The following RAB10 variants were observed in gnomAD, a reference collection of about 807,000 sequenced individuals.
RAB10 encodes ras-related protein Rab-10.
In RAB10, 5 loss-of-function variants were observed where a neutral mutation model predicts 25.7. The observed-to-expected ratio is 0.19, with a 90% confidence interval of 0.10 to 0.41. The LOEUF is 0.41. Ranked by LOEUF, RAB10 falls within the 10% of genes least tolerant of loss-of-function variation. The pLI is 1.00. For synonymous variants in RAB10, 89 were observed against 86.4 expected, an observed-to-expected ratio of 1.03 and a Z score of -0.16; for missense variants, 103 against 245.8, an observed-to-expected ratio of 0.42 and a Z score of 3.89.
intron 3 of RAB10, among the ~76,000 whole-genome samples, chr2:26,124,388 G>GTTTTT (rs1559599431): frequency 1.8e-4 from 3 of 17,092 alleles, no homozygotes; most frequent in South Asian, 1.8e-3. Context: ...TGTTGTTGTT[G>GTTTTT]CTTTTTTTTT....
chr2:26,062,233 A>G (rs6729757), intron 1 of RAB10, among the ~76,000 whole-genome samples: 117,328 of 152,188 alleles, frequency 0.77, 45,277 homozygotes, highest in East Asian at 0.87. Context: ...AGCATAGAAA[A>G]TATAAATACT....
intron 1 of RAB10, among the ~76,000 whole-genome samples, chr2:26,046,586 TA>T (rs928673764): frequency 9.7e-4 from 148 of 152,040 alleles, no homozygotes; most frequent in African/African-American, 3.3e-3. Flanking sequence ...TACTGTTGAT[TA>T]AAAAAAATTA....
intron 1 of RAB10, among the ~76,000 whole-genome samples, chr2:26,069,118 C>T (rs1305990497): frequency 6.6e-6 from 1 of 152,134 alleles, no homozygotes; most frequent in African/African-American, 2.4e-5. Flanking sequence ...CATTGAGATG[C>T]TTTGAAATTT....
chr2:26,102,499 C>T (rs1435171193), intron 2 of RAB10, among the ~76,000 whole-genome samples: 4 of 143,732 alleles, frequency 2.8e-5, no homozygotes, highest in Admixed American at 7.2e-5. Flanking sequence ...AGTGCAGTGG[C>T]GCTATCTCGG....
In RAB10 at chr2:26,121,596, A is replaced by G. The variant is rs1667804015; in HGVS notation, c.328-5548A>G. Among the ~76,000 whole-genome samples, 11 of 152,224 alleles carry G rather than the reference A, an allele frequency of 7.2e-5. No individual in the cohort carries two copies. The South Asian group carries it at 2.1e-3, about 29-fold the overall frequency. On this transcript the variant is annotated intron_variant, in intron 3 of 5. Coordinates refer to ENST00000264710, the MANE Select transcript of RAB10 (RefSeq NM_016131.5). ...CCTAGAAATATTGGGCGGGGGGGAAATTAAGAAAAAGTTAAGTATATTATG... is the reference window on the plus strand; with the variant it reads ...CCTAGAAATATTGGGCGGGGGGGAAGTTAAGAAAAAGTTAAGTATATTATG...
intron 1 of RAB10, among the ~76,000 whole-genome samples, chr2:26,054,174 A>T (rs571086143): frequency 1.3e-5 from 2 of 150,178 alleles, no homozygotes; most frequent in African/African-American, 4.9e-5. Context: ...CAGCCTCCCA[A>T]GTAGCTGGAA....
intron 1 of RAB10, among the ~76,000 whole-genome samples, chr2:26,039,594 C>G (rs555744501): frequency 1.4e-4 from 22 of 152,202 alleles, no homozygotes; most frequent in Non-Finnish European, 2.9e-5. Context: ...GGTGATCCAC[C>G]CACCTCGGCC....
At chr2:26,127,386 AT>A (rs1476283502) in intron 4 of RAB10, 153 bp downstream of exon 4, 22 of 630,828 alleles carry the variant, frequency 3.5e-5, no homozygotes, top group East Asian at 9.7e-5. Context: ...ATTTGAGTGA[AT>A]TTTTTTTCAG....
chr2:26,066,649 C>T (rs1559582942), intron 1 of RAB10, among the ~76,000 whole-genome samples: 1 of 152,094 alleles, frequency 6.6e-6, no homozygotes, highest in African/African-American at 2.4e-5. Context: ...ATCATGAGAA[C>T]AGCATGGAGG....
chr2:26,124,389 C>CTTTCTTTTTTT (rs1667864679), intron 3 of RAB10, among the ~76,000 whole-genome samples: 1 of 19,666 alleles, frequency 5.1e-5, no homozygotes. Context: ...GTTGTTGTTG[C>CTTTCTTTTTTT]TTTTTTTTTT....
chr2:26,085,361 G>A (rs965608316), intron 1 of RAB10, among the ~76,000 whole-genome samples: 7 of 151,604 alleles, frequency 4.6e-5, no homozygotes, highest in East Asian at 2.0e-4. Context: ...GTGGTGACGC[G>A]CGCCTGGTAT....
At chr2:26,061,092 C>CTTTTTTTTTTT (rs5829993) in intron 1 of RAB10, among the ~76,000 whole-genome samples, 6 of 83,634 alleles carry the variant, frequency 7.2e-5, no homozygotes, top group East Asian at 4.4e-4. Flanking sequence ...TTATCTCTGT[C>CTTTTTTTTTTT]TTTTTTTTTT....
At chr2:26,132,069 T>TA (rs1401544592) in intron 5 of RAB10, among the ~76,000 whole-genome samples, 2 of 152,200 alleles carry the variant, frequency 1.3e-5, no homozygotes, top group Non-Finnish European at 2.9e-5. Context: ...TTTTGATAAA[T>TA]ACAGCCAAAG....
intron 3 of RAB10, among the ~76,000 whole-genome samples, chr2:26,125,835 T>C (rs1400964940): frequency 6.6e-6 from 1 of 152,216 alleles, no homozygotes; most frequent in African/African-American, 2.4e-5. Flanking sequence ...TTTCATTCTC[T>C]TGATAGCGTC....
chr2:26,063,520 TCAAAA>T (rs1666454685), intron 1 of RAB10, among the ~76,000 whole-genome samples: 1 of 152,208 alleles, frequency 6.6e-6, no homozygotes, highest in African/African-American at 2.4e-5. Flanking sequence ...ATGTACCTCT[TCAAAA>T]CAAGAACATT....
intron 1 of RAB10, among the ~76,000 whole-genome samples, chr2:26,047,311 A>T (rs1356242894): frequency 6.6e-6 from 1 of 152,204 alleles, no homozygotes; most frequent in East Asian, 1.9e-4. Context: ...AAATGGAATC[A>T]TATAGAATGT....
At chr2:26,090,571 C>G (rs1667080519) in intron 1 of RAB10, among the ~76,000 whole-genome samples, 1 of 149,862 alleles carries the variant, frequency 6.7e-6, no homozygotes, top group African/African-American at 2.5e-5. Context: ...GATGTCAGAC[C>G]TCTTGGTTTG....
intron 1 of RAB10, among the ~76,000 whole-genome samples, chr2:26,082,281 T>TA (rs1197071281): frequency 6.6e-6 from 1 of 152,086 alleles, no homozygotes; most frequent in East Asian, 1.9e-4. Flanking sequence ...TGGTTCTAGT[T>TA]ACGATGTTTA....
At chr2:26,057,689 C>T (rs1176152163) in intron 1 of RAB10, among the ~76,000 whole-genome samples, 4 of 151,678 alleles carry the variant, frequency 2.6e-5, no homozygotes, top group East Asian at 1.9e-4. Context: ...GTGACGCGAT[C>T]GCTGCTGACT....
Sources: gnomAD v4.1 joint callset for allele counts (sites outside exome capture counted in the v4.1 genomes callset) on GRCh38, gnomAD v4.1.1 for gene constraint, MANE v1.5 for transcripts, NCBI Gene and HGNC (gene_info 2026-07-23, HGNC 2026-07-21) for gene names.